PLEKHA6: variants seen among roughly 807,000 people sequenced by gnomAD.
The protein encoded by PLEKHA6 is pleckstrin homology domain-containing family A member 6.
PLEKHA6 carries 60 observed loss-of-function variants against 116.7 expected under a neutral mutation model. The observed-to-expected ratio is 0.51, with a 90% CI of 0.42 to 0.64. The LOEUF (loss-of-function observed/expected upper bound fraction) is 0.64, where lower values mean the gene tolerates loss of function less well. PLEKHA6 is among the 30% of genes least tolerant of loss of function. The pLI, the probability that PLEKHA6 is intolerant of heterozygous loss-of-function variation, is 0.00. For synonymous variants in PLEKHA6, 489 were observed against 556.1 expected, an observed-to-expected ratio of 0.88 and a Z score of 1.70; for missense variants, 1,338 against 1,422.7, an observed-to-expected ratio of 0.94 and a Z score of 0.96.
chr1:204,325,957 A>G, intron 1 of PLEKHA6: 1 of 974,456 alleles, frequency 1.0e-6, no homozygotes, highest in Non-Finnish European at 1.2e-6. Flanking sequence ...CTGAACACAA[A>G]AGGGGCAGAG....
intron 1 of PLEKHA6, among the ~76,000 whole-genome samples, chr1:204,281,588 G>C (rs1419784568): frequency 6.6e-6 from 1 of 152,012 alleles, no homozygotes; most frequent in Admixed American, 6.5e-5. Flanking sequence ...AGACCCTCCT[G>C]TCTCTAAAAA....
chr1:204,333,546 C>T (rs1672535301), intron 1 of PLEKHA6, among the ~76,000 whole-genome samples: 1 of 152,234 alleles, frequency 6.6e-6, no homozygotes, highest in Admixed American at 6.5e-5. Flanking sequence ...ATCATCTCTC[C>T]TTCTCAGCTG....
At chr1:204,358,214 C>T (rs1673468152) in intron 1 of PLEKHA6, among the ~76,000 whole-genome samples, 1 of 152,202 alleles carries the variant, frequency 6.6e-6, no homozygotes, top group Non-Finnish European at 1.5e-5. Flanking sequence ...ACTCTGTGCC[C>T]TTGTGCAAAG....
chr1:204,290,536 A>G (rs1669637724), intron 1 of PLEKHA6, among the ~76,000 whole-genome samples: 1 of 152,260 alleles, frequency 6.6e-6, no homozygotes, highest in Non-Finnish European at 1.5e-5. Flanking sequence ...CCATAGACAT[A>G]AATGAAAGAG....
At chr1:204,377,023 A>G (rs1469806341) in intron 1 of PLEKHA6, among the ~76,000 whole-genome samples, 7 of 152,222 alleles carry the variant, frequency 4.6e-5, no homozygotes, top group Non-Finnish European at 7.3e-5. Flanking sequence ...TCTCTCAAGA[A>G]TGCCAAACAT....
rs577560172 is a variant in PLEKHA6 at position 204,261,631 on chromosome 1, G to A, written c.382-183C>T. 1.4e-5 allele frequency: 9 copies of A among 644,244 alleles called. No homozygotes were observed. The highest frequency in any genetic ancestry group is 8.5e-5 in the South Asian group (4 of 47,222). 39.9% of individuals were successfully genotyped at this position (644,244 alleles called of 1,614,324 possible). A position where few individuals can be genotyped will look rare whatever the true frequency, so the allele number is the denominator to read the frequency against. ...GAAGAGGGCAGCTTGCAGCTACCCCGAGGGTTCCAGCTGGTACCCACGTAT... is the reference window on the plus strand; with the variant it reads ...GAAGAGGGCAGCTTGCAGCTACCCCAAGGGTTCCAGCTGGTACCCACGTAT... On this transcript the variant is annotated intron_variant, in intron 6 of 22. Coordinates refer to ENST00000272203, the MANE Select transcript of PLEKHA6 (RefSeq NM_014935.5). The surrounding 1 kb of genome is among the most constrained non-coding windows in gnomAD (Gnocchi z 4.0).
In PLEKHA6 at chr1:204,330,177, AG is replaced by A. The variant is rs781428363; in HGVS notation, c.-95+29516del. Among the ~76,000 whole-genome samples, 3 of 152,274 alleles carry A rather than the reference AG, an allele frequency of 2.0e-5. No individual in the cohort carries two copies. The East Asian group carries it at 5.8e-4, about 29-fold the overall frequency. On this transcript the variant is annotated intron_variant, in intron 1 of 22. Coordinates refer to ENST00000272203, the MANE Select transcript of PLEKHA6 (RefSeq NM_014935.5). ...TCTTTACACTTGATCTTAGCCAAAA[AG>A]CTGCAAGGTGGGGTTTTACCATGTT...
rs1668116487 is a variant in PLEKHA6 at position 204,277,279 on chromosome 1, T to C, written c.-94-2470A>G. On this transcript the variant is annotated intron_variant, in intron 1 of 22. Coordinates refer to ENST00000272203, the MANE Select transcript of PLEKHA6 (RefSeq NM_014935.5). The surrounding 1 kb of genome is among the most constrained non-coding windows in gnomAD (Gnocchi z 4.1). ...CCCTAGTAGGCCTGTGGCTTCCTGGTATTCGGCCAGAATGCTACTGGTCAG... is the reference window on the plus strand; with the variant it reads ...CCCTAGTAGGCCTGTGGCTTCCTGGCATTCGGCCAGAATGCTACTGGTCAG... 6.6e-6 allele frequency among the ~76,000 whole-genome samples: 1 copy of C among 152,090 alleles called. No homozygotes were observed. Among genetic ancestry groups the C allele is most frequent in the African/African-American group, 2.4e-5 (1 of 41,406 alleles).
chr1:204,328,708 T>A (rs1672341008), intron 1 of PLEKHA6, among the ~76,000 whole-genome samples: 1 of 152,248 alleles, frequency 6.6e-6, no homozygotes, highest in Non-Finnish European at 1.5e-5. Flanking sequence ...TTCAATTGTC[T>A]GCTGCTACTC....
intron 9 of PLEKHA6, among the ~76,000 whole-genome samples, chr1:204,252,750 AG>A (rs1206209681): frequency 6.6e-6 from 1 of 152,218 alleles, no homozygotes; most frequent in Non-Finnish European, 1.5e-5. Context: ...AGGCAGGGCA[AG>A]GGCACCCACC....
At chr1:204,266,863 G>C (rs1280070385) in intron 5 of PLEKHA6, among the ~76,000 whole-genome samples, 1 of 152,156 alleles carries the variant, frequency 6.6e-6, no homozygotes, top group Non-Finnish European at 1.5e-5. Flanking sequence ...CTCAACCCTT[G>C]CTGGTGCCCT....
intron 1 of PLEKHA6, among the ~76,000 whole-genome samples, chr1:204,372,975 A>G (rs1673804089): frequency 1.3e-5 from 2 of 150,450 alleles, no homozygotes; most frequent in South Asian, 4.2e-4. Context: ...TGGCACAATC[A>G]TAGCTCATTT....
chr1:204,333,462 C>T lies in PLEKHA6; in HGVS notation c.-95+26232G>A, dbSNP rs1672532024. ...TAACAATATTAATAATAATCTCTGACATTTGCATAGCGTTTTACACACATT... is the reference window on the plus strand; with the variant it reads ...TAACAATATTAATAATAATCTCTGATATTTGCATAGCGTTTTACACACATT... On this transcript the variant is annotated intron_variant, in intron 1 of 22. Coordinates refer to ENST00000272203, the MANE Select transcript of PLEKHA6 (RefSeq NM_014935.5). 2.0e-5 allele frequency among the ~76,000 whole-genome samples: 3 copies of T among 152,230 alleles called. No homozygotes were observed. The South Asian group carries it at 6.2e-4, about 31-fold the overall frequency.
intron 1 of PLEKHA6, among the ~76,000 whole-genome samples, chr1:204,335,416 C>G (rs181352342): frequency 1.3e-5 from 2 of 152,196 alleles, no homozygotes; most frequent in Admixed American, 1.3e-4. Flanking sequence ...AGAGAAAGGC[C>G]CTGGAGAAGG....
At chr1:204,265,090 CGTGT>C in intron 5 of PLEKHA6, 48 bp from the exon 6 acceptor site, 1 of 1,313,784 alleles carries the variant, frequency 7.6e-7, no homozygotes, top group Non-Finnish European at 1.1e-6. Flanking sequence ...TGTGTGCAAG[CGTGT>C]GCGTGCGCCA....
intron 8 of PLEKHA6, among the ~76,000 whole-genome samples, chr1:204,258,830 A>C (rs1166182238): frequency 6.6e-6 from 1 of 152,242 alleles, no homozygotes; most frequent in Non-Finnish European, 1.5e-5. Flanking sequence ...AGAGTTGTTC[A>C]AAAATGGAAT....
At chr1:204,340,064 T>C (rs188048406) in intron 1 of PLEKHA6, among the ~76,000 whole-genome samples, 55 of 152,316 alleles carry the variant, frequency 3.6e-4, no homozygotes, top group African/African-American at 1.3e-3. Context: ...AAGTACAAGT[T>C]AGACCTCACA....
At chr1:204,367,666 C>T (rs988584356) in intron 3 of PLEKHA6, 3 of 152,374 alleles carry the variant, frequency 2.0e-5, no homozygotes, top group Admixed American at 6.5e-5. Context: ...TCAGGAGCCT[C>T]GGCACCTCCT....
At chr1:204,267,595 G>C in intron 4 of PLEKHA6, 48 bp from the exon 5 acceptor site, 2 of 1,515,114 alleles carry the variant, frequency 1.3e-6, no homozygotes, top group Non-Finnish European at 1.8e-6. Flanking sequence ...GCTGGACGTG[G>C]ACGAGGAGAT....
Sources: gnomAD v4.1 joint callset for allele counts (sites outside exome capture counted in the v4.1 genomes callset) on GRCh38, gnomAD v4.1.1 for gene constraint, Gnocchi (gnomAD v3.1) non-coding constraint, MANE v1.5 for transcripts, NCBI Gene and HGNC (gene_info 2026-07-23, HGNC 2026-07-21) for gene names.